Variants in HECTD4 observed in about 807,000 individuals in gnomAD.
The protein encoded by HECTD4 is probable E3 ubiquitin-protein ligase HECTD4.
Under a neutral mutation model 471.5 loss-of-function variants are expected in HECTD4, and 114 were observed. That is an observed-to-expected ratio of 0.24 (90% CI 0.21 to 0.28). The LOEUF is 0.28. HECTD4 is among the 10% of genes least tolerant of loss of function. The pLI is 1.00. For missense variants in HECTD4, 3,866 were observed against 5,651.5 expected (o/e 0.68, Z 10.13); for synonymous variants, 2,012 against 2,256.0 (o/e 0.89, Z 3.07).
chr12:112,252,017 C>T lies in HECTD4; in HGVS notation c.3552+407G>A, dbSNP rs537695221. On this transcript the variant is annotated intron_variant, in intron 23 of 75. Transcript: ENST00000682272. Reference sequence around the variant, plus strand: ...GAACTCCTGACCTCAGCTGATTCACCTGCCTCAGCCTCCCAAAGTGCTGGG... The same window carrying T: ...GAACTCCTGACCTCAGCTGATTCACTTGCCTCAGCCTCCCAAAGTGCTGGG... 1.5e-3 allele frequency among the ~76,000 whole-genome samples: 229 copies of T among 152,302 alleles called. 1 individual carries two copies. The highest frequency in any genetic ancestry group is 5.4e-3 in the African/African-American group (223 of 41,564).
At chr12:112,341,688 A>G (rs1315674994) in intron 1 of HECTD4, among the ~76,000 whole-genome samples, 2 of 152,250 alleles carry the variant, frequency 1.3e-5, no homozygotes, top group Non-Finnish European at 2.9e-5. Context: ...CAGAAAAACT[A>G]ACCGACTAGC....
chr12:112,184,277 C>T lies in HECTD4; in HGVS notation c.10689G>A (p.Ser3563=), dbSNP rs202136601. ...TGTACATGGAGCCCATGTCCGACAC[C>T]GAGGCCGTCTCTGCATTGTCCAGGG... The part of the protein sequence containing the change: ...GEPLDNAETA[S]VSDMGSMYTV... Residue 3563 remains serine (S), a synonymous_variant, in exon 61 of 76, where the codon TCG becomes TCA. Transcript: ENST00000682272. The surrounding 1 kb of genome is among the most constrained non-coding windows in gnomAD (Gnocchi z 9.1). 19 of 1,613,402 alleles carry T rather than the reference C, an allele frequency of 1.2e-5. No homozygotes were observed. Among genetic ancestry groups the T allele is most frequent in the East Asian group, 8.9e-5 (4 of 44,884 alleles).
rs577470046 is a variant in HECTD4, at chr12:112,184,418, G to C, written c.10548C>G (p.Leu3516=). The C allele has an allele frequency of 2.5e-6, 4 of 1,606,020 alleles. No individual in the cohort carries two copies. The highest frequency in any genetic ancestry group is 3.4e-6 in the Non-Finnish European group (4 of 1,177,068). Residue 3516 remains leucine, a synonymous_variant, in exon 61 of 76, where the codon CTC becomes CTG. Transcript: ENST00000682272. The surrounding 1 kb of genome is among the most constrained non-coding windows in gnomAD (Gnocchi z 9.1). ...ACAGGCCCGGAGGGATGGGCAGCTC[G>C]AGGCCGGCAGGCAGCGGATCCACAG... ...DLSVDPLPAG[L]ELPIPPGLLE... is the part of the protein sequence containing the mutation.
chr12:112,311,657 A>G (rs2035374669), intron 4 of HECTD4, among the ~76,000 whole-genome samples: 1 of 151,308 alleles, frequency 6.6e-6, no homozygotes, highest in Non-Finnish European at 1.5e-5. Flanking sequence ...GAAAAAAGAG[A>G]GAGAGAAAAA....
intron 48 of HECTD4, 105 bp from the exon 49 acceptor site, chr12:112,212,755 C>A: frequency 1.3e-6 from 1 of 786,010 alleles, no homozygotes; most frequent in Non-Finnish European, 1.9e-6. Flanking sequence ...TATTTATGCT[C>A]TCATTTACTT....
chr12:112,234,335 G>A (rs1385067768), intron 37 of HECTD4, among the ~76,000 whole-genome samples: 1 of 152,096 alleles, frequency 6.6e-6, no homozygotes, highest in Non-Finnish European at 1.5e-5. Flanking sequence ...CCTCATATAA[G>A]CCCTGACCTG....
chr12:112,329,815 T>C (rs1225708655), intron 1 of HECTD4, among the ~76,000 whole-genome samples: 2 of 152,140 alleles, frequency 1.3e-5, no homozygotes, highest in South Asian at 2.1e-4. Context: ...ATTAACAGAA[T>C]AGAATTTGGA....
At chr12:112,287,866 A>G (rs935824242) in intron 7 of HECTD4, among the ~76,000 whole-genome samples, 1 of 152,254 alleles carries the variant, frequency 6.6e-6, no homozygotes, top group Non-Finnish European at 1.5e-5. Context: ...TGTAGTCTTA[A>G]AGACCAGAAT....
intron 70 of HECTD4, 110 bp from the exon 71 acceptor site, chr12:112,168,027 T>C (rs563617981): frequency 2.5e-5 from 22 of 875,356 alleles, no homozygotes; most frequent in Non-Finnish European, 4.0e-5. Context: ...ACGGCCTACC[T>C]GCCGCTGTGG....
chr12:112,302,978 C>CT (rs3031817), intron 7 of HECTD4, among the ~76,000 whole-genome samples: 5,074 of 120,656 alleles, frequency 0.042, 197 homozygotes, highest in African/African-American at 0.095. Flanking sequence ...TTTGTCTGCT[C>CT]TTTTTTTTTT....
chr12:112,242,922 A>C (rs1307045378), intron 32 of HECTD4, among the ~76,000 whole-genome samples: 3 of 152,236 alleles, frequency 2.0e-5, no homozygotes, highest in Non-Finnish European at 4.4e-5. Context: ...AATAAAAAAA[A>C]GATAAAGCAG....
At position 112,200,764 on chromosome 12, in the gene HECTD4, C is replaced by A. The variant is rs778752716; in HGVS notation, c.8441G>T (p.Arg2814Leu). The A allele has an allele frequency of 3.1e-6, 5 of 1,613,662 alleles. No homozygotes were observed. The African/African-American group carries it at 4.0e-5, about 13-fold the overall frequency. ...NELVQVETYL[R>L]SEGVLVRYWY... ...GTATCGCACCAGCACACCTTCACTG[C>A]GGAGGTACGTTTCTACCTGCACCAG... Residue 2814 changes from arginine to leucine, a missense_variant, in exon 55 of 76, where the codon CGC becomes CTC. Arg to Leu is a moderately radical substitution (Grantham distance 102). Transcript: ENST00000682272.
chr12:112,163,276 A>G lies in HECTD4; in HGVS notation c.12898-12T>C. The G allele has an allele frequency of 6.2e-7, 1 of 1,605,920 alleles. No homozygotes were observed. Among genetic ancestry groups the G allele is most frequent in the Non-Finnish European group, 8.5e-7 (1 of 1,174,464 alleles). ...TACATGGTGTGGGCCTGGGGAGGAG[A>G]GGTCCAGGTGTCAGGAGCCCTGGAG... is the stretch of plus-strand genomic sequence containing the variant. On this transcript the variant is annotated splice_polypyrimidine_tract_variant and intron_variant, in intron 74 of 75. Transcript: ENST00000682272. This position sits in a 1 kb window ranked among gnomAD's most constrained non-coding sequence, Gnocchi z 8.2.
At chr12:112,316,889 AATAC>A (rs1456536262) in intron 2 of HECTD4, among the ~76,000 whole-genome samples, 1 of 152,098 alleles carries the variant, frequency 6.6e-6, no homozygotes, top group East Asian at 1.9e-4. Context: ...TAAATAAATA[AATAC>A]ATCCATTTCA....
chr12:112,291,708 T>TA (rs1475446720), intron 7 of HECTD4, among the ~76,000 whole-genome samples: 1 of 152,006 alleles, frequency 6.6e-6, no homozygotes, highest in African/African-American at 2.4e-5. Context: ...CCGTCTCTAC[T>TA]AAAAATACAA....
At chr12:112,205,456 A>C (rs972785241) in intron 52 of HECTD4, among the ~76,000 whole-genome samples, 16 of 152,292 alleles carry the variant, frequency 1.1e-4, no homozygotes, top group African/African-American at 3.9e-4. Flanking sequence ...AAAAGTAGAA[A>C]AAACCGAAGT....
Position 112,210,254 on chromosome 12 carries a change from T to A in HECTD4, c.7630-2A>T. 1 of 1,612,488 alleles carries A rather than the reference T, an allele frequency of 6.2e-7. No homozygotes were observed. The highest frequency in any genetic ancestry group is 8.5e-7 in the Non-Finnish European group (1 of 1,178,546). ...AAAGTTAGCTCGGGTTTTGGTGTTCTGGAAAGGAGACCAAATGAAGGATTT... is the reference window on the plus strand; with the variant it reads ...AAAGTTAGCTCGGGTTTTGGTGTTCAGGAAAGGAGACCAAATGAAGGATTT... On this transcript the variant is annotated splice_acceptor_variant, in intron 49 of 75. Coordinates refer to ENST00000682272, the MANE Select transcript of HECTD4 (RefSeq NM_001388303.1). LOFTEE classifies it high-confidence loss of function.
intron 1 of HECTD4, among the ~76,000 whole-genome samples, chr12:112,380,924 C>T (rs1400387939): frequency 6.6e-6 from 1 of 152,152 alleles, no homozygotes; most frequent in East Asian, 1.9e-4. Flanking sequence ...AAAGATCCCT[C>T]GCATGCCGTT....
intron 1 of HECTD4, among the ~76,000 whole-genome samples, chr12:112,380,719 G>C (rs1210713609): frequency 1.3e-5 from 2 of 152,126 alleles, no homozygotes. Flanking sequence ...GTTCATAACG[G>C]AAGTGCTGAA....
Sources: allele counts gnomAD v4.1 joint callset (sites outside exome capture counted in the v4.1 genomes callset), GRCh38; gene constraint gnomAD v4.1.1; non-coding constraint Gnocchi (gnomAD v3.1); transcripts MANE v1.5; gene names NCBI Gene and HGNC (gene_info 2026-07-23, HGNC 2026-07-21).